The following PCSK6 variants were observed in gnomAD, a reference collection of about 807,000 sequenced individuals.
PCSK6 encodes the protein proprotein convertase subtilisin/kexin type 6, also known as paired basic amino acid cleaving enzyme 4.
Under a neutral mutation model 123.3 loss-of-function variants are expected in PCSK6, and 85 were observed. The ratio of observed to expected loss-of-function variants is 0.69; its 90% CI spans 0.58 to 0.83. PCSK6 has a LOEUF of 0.83. Among genes scored for constraint, PCSK6 ranks in the 40% least tolerant of loss-of-function variants. PCSK6 has a pLI of 0.00. For missense variants in PCSK6, 1,191 were observed against 1,282.3 expected (o/e 0.93, Z 1.09); for synonymous variants, 508 against 516.0 (o/e 0.98, Z 0.21).
At chr15:101,369,020 C>T (rs8032184) in intron 12 of PCSK6, among the ~76,000 whole-genome samples, 60,048 of 151,998 alleles carry the variant, frequency 0.4, 13,179 homozygotes, top group African/African-American at 0.57. Context: ...GGGAGAGGTG[C>T]CCCTGTGACA....
In PCSK6 at chr15:101,303,978, C is replaced by A. The variant is rs2039670209; in HGVS notation, c.*1280G>T. On this transcript the variant is annotated 3_prime_UTR_variant, in exon 22 of 22. Coordinates refer to ENST00000611716, the MANE Select transcript of PCSK6 (RefSeq NM_002570.5). Reference sequence around the variant, plus strand: ...TAATTTAGGGTTAACATTGTACTTGCTTCATTGATTTCTCTTTCAGAGTTG... The same window carrying A: ...TAATTTAGGGTTAACATTGTACTTGATTCATTGATTTCTCTTTCAGAGTTG... 6.6e-6 allele frequency: 1 copy of A among 152,584 alleles called. No individual in the cohort carries two copies. Among genetic ancestry groups the A allele is most frequent in the South Asian group, 2.1e-4 (1 of 4,832 alleles). 9.5% of individuals were successfully genotyped at this position (152,584 alleles called of 1,614,324 possible).
chr15:101,404,525 G>A (rs1290568225), intron 6 of PCSK6, among the ~76,000 whole-genome samples: 1 of 152,170 alleles, frequency 6.6e-6, no homozygotes, highest in Non-Finnish European at 1.5e-5. Context: ...CAGTGCAAGA[G>A]GCTGGCAAGA....
At chr15:101,482,722 C>T (rs185711108) in intron 1 of PCSK6, among the ~76,000 whole-genome samples, 52 of 152,250 alleles carry the variant, frequency 3.4e-4, no homozygotes, top group African/African-American at 7.5e-4. Flanking sequence ...CCCTGGTTTC[C>T]GCCCAGAGAA....
chr15:101,408,851 A>G (rs2042854383), intron 6 of PCSK6, among the ~76,000 whole-genome samples: 1 of 152,210 alleles, frequency 6.6e-6, no homozygotes, highest in Non-Finnish European at 1.5e-5. Flanking sequence ...ATGGGCATGG[A>G]TTAATTTAGC....
intron 13 of PCSK6, among the ~76,000 whole-genome samples, chr15:101,332,916 A>G (rs376434477): frequency 6.6e-6 from 1 of 152,226 alleles, no homozygotes; most frequent in Non-Finnish European, 1.5e-5. Context: ...ACAGTCCCCA[A>G]TTTATGACAG....
chr15:101,354,861 A>C (rs934056725), intron 13 of PCSK6, among the ~76,000 whole-genome samples: 2 of 152,164 alleles, frequency 1.3e-5, no homozygotes, highest in Non-Finnish European at 2.9e-5. Flanking sequence ...TCATGTCTTC[A>C]TTTGTAAATA....
At chr15:101,478,189 A>G (rs1310479274) in intron 1 of PCSK6, among the ~76,000 whole-genome samples, 4 of 152,142 alleles carry the variant, frequency 2.6e-5, no homozygotes, top group Non-Finnish European at 4.4e-5. Context: ...CCTTACTACT[A>G]TAGCAGGTTA....
At chr15:101,367,225 TCCTGCAC>T (rs545977705) in intron 12 of PCSK6, among the ~76,000 whole-genome samples, 259 of 152,326 alleles carry the variant, frequency 1.7e-3, no homozygotes, top group African/African-American at 5.9e-3. Flanking sequence ...TCCAATCTCT[TCCTGCAC>T]CCAGTGCCAT....
intron 13 of PCSK6, chr15:101,346,267 C>T (rs1226903329): frequency 6.6e-6 from 1 of 152,134 alleles, no homozygotes; most frequent in East Asian, 1.9e-4. Context: ...AAGCTGTCCG[C>T]TCATAATAGG....
intron 8 of PCSK6, 139 bp from the exon 9 acceptor site, chr15:101,389,703 T>C (rs891799553): frequency 1.6e-6 from 1 of 633,372 alleles, no homozygotes. Context: ...GTTAGGCAAA[T>C]GCATCTCGGC....
At chr15:101,338,925 C>A (rs910759739) in intron 13 of PCSK6, among the ~76,000 whole-genome samples, 1 of 152,224 alleles carries the variant, frequency 6.6e-6, no homozygotes, top group African/African-American at 2.4e-5. Flanking sequence ...ATGGATTTAT[C>A]ATCATTCACT....
chr15:101,434,676 G>A (rs962812050), intron 2 of PCSK6, among the ~76,000 whole-genome samples: 10 of 152,208 alleles, frequency 6.6e-5, no homozygotes, highest in South Asian at 2.1e-4. Flanking sequence ...AGTCTCTGAC[G>A]GCAAGTGAGG....
chr15:101,460,970 A>C (rs7403077), intron 1 of PCSK6, among the ~76,000 whole-genome samples: 117,269 of 151,798 alleles, frequency 0.77, 45,671 homozygotes, highest in Non-Finnish European at 0.82. Flanking sequence ...ATTAAGCATC[A>C]AACTAAAAAG....
In PCSK6 at chr15:101,473,132, T is replaced by G. The variant is rs183883990; in HGVS notation, c.297+16242A>C. Among the ~76,000 whole-genome samples, 157 of 152,340 alleles carry G rather than the reference T, an allele frequency of 1.0e-3. 1 individual carries two copies. Among genetic ancestry groups the G allele is most frequent in the African/African-American group, 3.6e-3 (149 of 41,570 alleles). On this transcript the variant is annotated intron_variant, in intron 1 of 21. Coordinates refer to ENST00000611716, the MANE Select transcript of PCSK6 (RefSeq NM_002570.5). ...CTCTGTCACCCAGGCTGGAGTGCAGTGGCATGATCATAGCTCACTGCATAG... is the reference window on the plus strand; with the variant it reads ...CTCTGTCACCCAGGCTGGAGTGCAGGGGCATGATCATAGCTCACTGCATAG...
rs57613156 is a variant in PCSK6, at chr15:101,316,910, G to GTTTTTTTTTTTTTTTTTTTTTTT, written c.2569+1408_2569+1409insAAAAAAAAAAAAAAAAAAAAAAA. ...ACTGGTTTAGCAGAGACTTAATTCT[G>GTTTTTTTTTTTTTTTTTTTTTTT]TTTTTTTTTTTTTTTTTTTGACAGA... On this transcript the variant is annotated intron_variant, in intron 19 of 21. Coordinates refer to ENST00000611716, the MANE Select transcript of PCSK6 (RefSeq NM_002570.5). Among the ~76,000 whole-genome samples, 14 of 114,970 alleles carry GTTTTTTTTTTTTTTTTTTTTTTT rather than the reference G, an allele frequency of 1.2e-4. 2 individuals carry two copies. Among genetic ancestry groups the GTTTTTTTTTTTTTTTTTTTTTTT allele is most frequent in the African/African-American group, 5.5e-4 (14 of 25,386 alleles). The allele number at this position is 114,970 out of a possible 152,430, so 75.4% of individuals were successfully genotyped here. A position where few individuals can be genotyped will look rare whatever the true frequency, so the allele number is the denominator to read the frequency against.
rs1389734069 is a variant in PCSK6 at position 101,441,881 on chromosome 15, AG to A, written c.402+1674del. Among the ~76,000 whole-genome samples, 10 of 152,312 alleles carry A rather than the reference AG, an allele frequency of 6.6e-5. No individual in the cohort carries two copies. The East Asian group carries it at 1.9e-3, about 29-fold the overall frequency. ...GTGCTTGCTTAAAGTGAAAGTGTGGAGGGATGCTGCGTCGACCTCTTTCCTA... is the reference window on the plus strand; with the variant it reads ...GTGCTTGCTTAAAGTGAAAGTGTGGAGGATGCTGCGTCGACCTCTTTCCTA... On this transcript the variant is annotated intron_variant, in intron 2 of 21. Coordinates refer to ENST00000611716, the MANE Select transcript of PCSK6 (RefSeq NM_002570.5).
chr15:101,442,889 G>A lies in PCSK6; in HGVS notation c.402+667C>T, dbSNP rs540005135. On this transcript the variant is annotated intron_variant, in intron 2 of 21. Coordinates refer to ENST00000611716, the MANE Select transcript of PCSK6 (RefSeq NM_002570.5). ...CTGTCAGCCCTGCCGCCAGCTCCAC[G>A]GGCCCTGCTATGGACAGAGCCAGCC... Among the ~76,000 whole-genome samples, 6 of 152,150 alleles carry A rather than the reference G, an allele frequency of 3.9e-5. No homozygotes were observed. In the South Asian group the frequency reaches 6.2e-4, roughly 16 times the overall value.
At chr15:101,310,048 G>A (rs372028652) in intron 20 of PCSK6, among the ~76,000 whole-genome samples, 9 of 152,306 alleles carry the variant, frequency 5.9e-5, no homozygotes, top group African/African-American at 1.9e-4. Context: ...AGCAGCGGAC[G>A]GCCACGGCGT....
chr15:101,321,238 G>C (rs1207072407), intron 18 of PCSK6, among the ~76,000 whole-genome samples: 1 of 152,132 alleles, frequency 6.6e-6, no homozygotes, highest in East Asian at 1.9e-4. Context: ...CCTTTCCTGG[G>C]CCAGTTCATC....
Sources: gnomAD v4.1 joint callset for allele counts (sites outside exome capture counted in the v4.1 genomes callset) on GRCh38, gnomAD v4.1.1 for gene constraint, MANE v1.5 for transcripts, NCBI Gene and HGNC (gene_info 2026-07-23, HGNC 2026-07-21) for gene names.